The following PCCA variants were observed in gnomAD, a reference collection of about 807,000 sequenced individuals.
PCCA encodes the protein propionyl-CoA carboxylase subunit alpha.
In PCCA, 74 loss-of-function variants were observed where a neutral mutation model predicts 101.3. That is an observed-to-expected ratio of 0.73 (90% CI 0.61 to 0.89). The LOEUF (loss-of-function observed/expected upper bound fraction) is 0.89. Among genes scored for constraint, PCCA ranks in the 40% least tolerant of loss-of-function variants. The pLI, the probability that PCCA is intolerant of heterozygous loss-of-function variation, is 0.00. For synonymous variants in PCCA, 294 were observed against 313.6 expected (o/e 0.94, Z 0.66); for missense variants, 891 against 907.0 (o/e 0.98, Z 0.23).
chr13:100,307,078 G>T (rs1482247146), intron 14 of PCCA, 114 bp from the exon 15 acceptor site: 3 of 739,266 alleles, frequency 4.1e-6, no homozygotes, highest in Non-Finnish European at 7.0e-6. Flanking sequence ...AAGTTGAAAT[G>T]TTATTTGAGA....
intron 20 of PCCA, among the ~76,000 whole-genome samples, chr13:100,426,447 C>CT (rs1225716639): frequency 1.3e-5 from 2 of 151,460 alleles, no homozygotes; most frequent in African/African-American, 4.8e-5. Flanking sequence ...ATTCTTTGTT[C>CT]TTTTTTATGA....
At chr13:100,491,825 T>C (rs2084930315) in intron 21 of PCCA, 1 of 1,019,532 alleles carries the variant, frequency 9.8e-7, no homozygotes, top group East Asian at 7.5e-5. Context: ...GTCCCTTTTT[T>C]TCTCTATTTT....
intron 8 of PCCA, among the ~76,000 whole-genome samples, chr13:100,255,643 C>A (rs1161093496): frequency 1.3e-5 from 2 of 152,072 alleles, no homozygotes; most frequent in Non-Finnish European, 2.9e-5. Flanking sequence ...ATACCAGTTT[C>A]AAATTTTTAG....
chr13:100,142,903 C>T (rs2052061220), intron 4 of PCCA, among the ~76,000 whole-genome samples: 1 of 152,184 alleles, frequency 6.6e-6, no homozygotes, highest in Non-Finnish European at 1.5e-5. Flanking sequence ...GTATCAGGCT[C>T]CCTGTGTATG....
At position 100,244,962 on chromosome 13, in the gene PCCA, T is replaced by C. The variant is rs9513742; in HGVS notation, c.637+9084T>C. On this transcript the variant is annotated intron_variant, in intron 8 of 23. Transcript: ENST00000376285. ...GTGTGTGTGTGTGTGTGTGTGTGTG[T>C]GTGCGCAGTAGTAGAGATGTGGATA... 7.9e-3 allele frequency among the ~76,000 whole-genome samples: 1,134 copies of C among 143,170 alleles called. 14 individuals carry two copies. The highest frequency in any genetic ancestry group is 0.016 in the African/African-American group (597 of 38,098). 93.9% of individuals were successfully genotyped at this position (143,170 alleles called of 152,430 possible).
intron 16 of PCCA, among the ~76,000 whole-genome samples, chr13:100,330,250 T>C (rs758638868): frequency 1.3e-5 from 2 of 152,224 alleles, no homozygotes; most frequent in Admixed American, 1.3e-4. Context: ...CTATTTTGAT[T>C]AATAAAGATG....
chr13:100,364,209 G>A (rs562497784), intron 18 of PCCA, among the ~76,000 whole-genome samples: 4 of 152,246 alleles, frequency 2.6e-5, no homozygotes, highest in East Asian at 3.9e-4. Flanking sequence ...AATGTACTTC[G>A]TTAAAGGAAA....
At chr13:100,400,034 G>A (rs934257616) in intron 19 of PCCA, among the ~76,000 whole-genome samples, 1 of 152,184 alleles carries the variant, frequency 6.6e-6, no homozygotes, top group Non-Finnish European at 1.5e-5. Context: ...TTAAGAAAAA[G>A]TATTCATTGA....
At chr13:100,211,894 C>T (rs2059238361) in intron 7 of PCCA, among the ~76,000 whole-genome samples, 1 of 152,088 alleles carries the variant, frequency 6.6e-6, no homozygotes, top group Non-Finnish European at 1.5e-5. Flanking sequence ...GTGTGTGCCA[C>T]CACAGCTGCC....
chr13:100,332,504 T>TTA (rs150524537), intron 17 of PCCA, among the ~76,000 whole-genome samples: 2,598 of 151,978 alleles, frequency 0.017, 91 homozygotes, highest in African/African-American at 0.059. Context: ...GTATGGGTAT[T>TTA]TATATATATA....
intron 7 of PCCA, among the ~76,000 whole-genome samples, chr13:100,218,089 T>C (rs1296928899): frequency 2.7e-5 from 4 of 146,450 alleles, no homozygotes; most frequent in Non-Finnish European, 6.1e-5. Flanking sequence ...AAAAAAAAAA[T>C]CCATTCATTA....
chr13:100,330,721 C>A, intron 17 of PCCA, 50 bp downstream of exon 17: 1 of 1,085,746 alleles, frequency 9.2e-7, no homozygotes, highest in Non-Finnish European at 1.4e-6. Context: ...TATTTTTATA[C>A]TTTATTGTAA....
chr13:100,325,549 A>G (rs1490956935), intron 16 of PCCA, among the ~76,000 whole-genome samples: 1 of 152,212 alleles, frequency 6.6e-6, no homozygotes, highest in Admixed American at 6.5e-5. Context: ...GGGAAAAAAA[A>G]GCCACAAGGA....
intron 22 of PCCA, among the ~76,000 whole-genome samples, chr13:100,518,147 TTC>T (rs1405516162): frequency 2.0e-5 from 3 of 152,160 alleles, no homozygotes; most frequent in Admixed American, 1.3e-4. Context: ...CTTACAAGTA[TTC>T]TGTTTTTCTT....
chr13:100,367,908 A>T (rs1191981470), intron 18 of PCCA, among the ~76,000 whole-genome samples: 1 of 151,998 alleles, frequency 6.6e-6, no homozygotes, highest in Non-Finnish European at 1.5e-5. Context: ...CAGTGAGCCG[A>T]AATCGCACCA....
At chr13:100,284,738 A>G (rs146220407) in intron 12 of PCCA, among the ~76,000 whole-genome samples, 21 of 152,330 alleles carry the variant, frequency 1.4e-4, no homozygotes, top group African/African-American at 4.6e-4. Context: ...GTCTTCTTCT[A>G]TATTTCCCTG....
intron 8 of PCCA, among the ~76,000 whole-genome samples, chr13:100,250,755 GA>G (rs2152546108): frequency 6.6e-6 from 1 of 152,202 alleles, no homozygotes; most frequent in African/African-American, 2.4e-5. Context: ...AAAAGGTATA[GA>G]TGTTTAGTCT....
intron 8 of PCCA, among the ~76,000 whole-genome samples, chr13:100,245,788 G>A (rs2061394601): frequency 6.6e-6 from 1 of 152,100 alleles, no homozygotes; most frequent in African/African-American, 2.4e-5. Context: ...TTTGTTTAAG[G>A]TAGTGTCATC....
At chr13:100,228,947 TA>T (rs1436279160) in intron 7 of PCCA, among the ~76,000 whole-genome samples, 1 of 152,002 alleles carries the variant, frequency 6.6e-6, no homozygotes, top group East Asian at 1.9e-4. Context: ...AAATAAAGTT[TA>T]ACCTTTTACA....
Sources: allele counts gnomAD v4.1 joint callset (sites outside exome capture counted in the v4.1 genomes callset), GRCh38; gene constraint gnomAD v4.1.1; transcripts MANE v1.5; gene names NCBI Gene and HGNC (gene_info 2026-07-23, HGNC 2026-07-21).